The following MYO3B variants were observed in gnomAD, a reference collection of about 807,000 sequenced individuals.
The protein encoded by MYO3B is myosin IIIB.
A neutral mutation model predicts 174.6 loss-of-function variants in MYO3B; 156 were observed. That is an observed-to-expected ratio of 0.89 (90% CI 0.78 to 1.02). The LOEUF (loss-of-function observed/expected upper bound fraction) is 1.02, where lower values mean the gene tolerates loss of function less well. MYO3B is among the 50% of genes least tolerant of loss of function. The pLI is 0.00. For synonymous variants in MYO3B, 563 were observed against 569.1 expected (o/e 0.99, Z 0.15); for missense variants, 1,632 against 1,639.4 (o/e 1.00, Z 0.08).
At chr2:170,508,408 G>A (rs1350350952) in intron 28 of MYO3B, among the ~76,000 whole-genome samples, 2 of 152,180 alleles carry the variant, frequency 1.3e-5, no homozygotes, top group Non-Finnish European at 2.9e-5. Context: ...TGTTTAGACT[G>A]TAACTACACA....
chr2:170,326,385 A>C (rs1003734801), intron 7 of MYO3B, among the ~76,000 whole-genome samples: 6 of 152,036 alleles, frequency 3.9e-5, no homozygotes, highest in Non-Finnish European at 7.4e-5. Context: ...TGTGGTTTCC[A>C]CTCTATATGT....
At chr2:170,472,598 G>T (rs192873717) in intron 25 of MYO3B, among the ~76,000 whole-genome samples, 4 of 152,232 alleles carry the variant, frequency 2.6e-5, no homozygotes, top group Admixed American at 2.6e-4. Flanking sequence ...TTACTACATT[G>T]TAGAGCAATT....
intron 7 of MYO3B, among the ~76,000 whole-genome samples, chr2:170,285,831 G>T (rs2093552325): frequency 6.7e-6 from 1 of 148,758 alleles, no homozygotes. Flanking sequence ...AAGTTTTAAA[G>T]GTTTGCTTTT....
At chr2:170,350,137 G>A (rs146229815) in intron 8 of MYO3B, among the ~76,000 whole-genome samples, 239 of 152,100 alleles carry the variant, frequency 1.6e-3, no homozygotes, top group African/African-American at 5.6e-3. Flanking sequence ...AAGTAGCTGG[G>A]ATTACAGGCA....
intron 32 of MYO3B, among the ~76,000 whole-genome samples, chr2:170,626,243 C>G (rs906815506): frequency 6.6e-6 from 1 of 151,484 alleles, no homozygotes; most frequent in Non-Finnish European, 1.5e-5. Flanking sequence ...TGCTCCTGTA[C>G]TGGGTGCATA....
intron 23 of MYO3B, among the ~76,000 whole-genome samples, chr2:170,448,420 A>G (rs1683384275): frequency 6.6e-6 from 1 of 152,174 alleles, no homozygotes; most frequent in South Asian, 2.1e-4. Flanking sequence ...GAAGATGGAA[A>G]AAGGATGAAG....
chr2:170,219,299 G>C (rs1166371380), intron 6 of MYO3B, among the ~76,000 whole-genome samples: 1 of 152,172 alleles, frequency 6.6e-6, no homozygotes, highest in Non-Finnish European at 1.5e-5. Flanking sequence ...CAGGGACTTG[G>C]GATGCCTAAG....
chr2:170,560,791 A>G (rs1231947505), intron 32 of MYO3B, among the ~76,000 whole-genome samples: 3 of 152,184 alleles, frequency 2.0e-5, no homozygotes, highest in African/African-American at 7.2e-5. Context: ...AAATGGAAAG[A>G]GCTCTAGATT....
At chr2:170,314,749 G>A (rs2093762973) in intron 7 of MYO3B, among the ~76,000 whole-genome samples, 1 of 152,166 alleles carries the variant, frequency 6.6e-6, no homozygotes, top group Non-Finnish European at 1.5e-5. Flanking sequence ...TGGGTTAGTT[G>A]GCAGAGATGG....
intron 25 of MYO3B, among the ~76,000 whole-genome samples, chr2:170,478,144 C>T (rs1173963535): frequency 6.6e-6 from 1 of 152,034 alleles, no homozygotes; most frequent in Admixed American, 6.5e-5. Context: ...TTGACCTGAC[C>T]TGGGTCCCGT....
intron 31 of MYO3B, among the ~76,000 whole-genome samples, chr2:170,543,563 T>C (rs1054166149): frequency 6.6e-6 from 1 of 152,230 alleles, no homozygotes; most frequent in Non-Finnish European, 1.5e-5. Flanking sequence ...TTTTCTTTCT[T>C]AGAGATAAAA....
chr2:170,498,776 AAT>A, intron 26 of MYO3B, 73 bp downstream of exon 26: 1 of 959,086 alleles, frequency 1.0e-6, no homozygotes, highest in Non-Finnish European at 1.7e-6. Context: ...CACTGGCATG[AAT>A]GGCTCTGTAA....
chr2:170,416,218 G>A (rs2094577549), intron 22 of MYO3B, among the ~76,000 whole-genome samples: 1 of 152,044 alleles, frequency 6.6e-6, no homozygotes, highest in South Asian at 2.1e-4. Context: ...CAGCCCAACA[G>A]CCATCTTAAA....
chr2:170,293,735 C>T (rs1034209919), intron 7 of MYO3B, among the ~76,000 whole-genome samples: 36 of 152,144 alleles, frequency 2.4e-4, no homozygotes, highest in African/African-American at 8.4e-4. Context: ...GAGACCACAG[C>T]TCCCCTGATT....
intron 7 of MYO3B, among the ~76,000 whole-genome samples, chr2:170,310,979 T>C (rs2093735317): frequency 6.6e-6 from 1 of 152,160 alleles, no homozygotes; most frequent in African/African-American, 2.4e-5. Context: ...GAGCCCTGAC[T>C]GAGGAGGAAG....
intron 7 of MYO3B, among the ~76,000 whole-genome samples, chr2:170,277,560 T>C (rs974810993): frequency 3.3e-5 from 5 of 152,220 alleles, no homozygotes; most frequent in Non-Finnish European, 4.4e-5. Context: ...CAGAGGGAAA[T>C]GTATCCTTTA....
At chr2:170,493,160 C>A (rs16858499) in intron 25 of MYO3B, among the ~76,000 whole-genome samples, 9,662 of 152,208 alleles carry the variant, frequency 0.063, 959 homozygotes, top group African/African-American at 0.21. Flanking sequence ...AGCATAATAA[C>A]GTGTAACATG....
chr2:170,376,024 AAAT>A (rs763632408), intron 9 of MYO3B, among the ~76,000 whole-genome samples: 10 of 152,166 alleles, frequency 6.6e-5, no homozygotes, highest in Non-Finnish European at 1.3e-4. Flanking sequence ...TGGGTATATC[AAAT>A]ACTGTTTAAT....
chr2:170,484,249 G>A (rs1203821659), intron 25 of MYO3B, among the ~76,000 whole-genome samples: 1 of 152,114 alleles, frequency 6.6e-6, no homozygotes, highest in Non-Finnish European at 1.5e-5. Flanking sequence ...TACAAATGAG[G>A]AAACTAGCTC....
Sources: allele counts gnomAD v4.1 joint callset (sites outside exome capture counted in the v4.1 genomes callset), GRCh38; gene constraint gnomAD v4.1.1; transcripts MANE v1.5; gene names NCBI Gene and HGNC (gene_info 2026-07-23, HGNC 2026-07-21).